The following AGBL1 variants were observed in gnomAD, a reference collection of about 807,000 sequenced individuals.
The protein encoded by AGBL1 is AGBL carboxypeptidase 1, also known as cytosolic carboxypeptidase 4.
AGBL1 carries 130 observed loss-of-function variants against 118.9 expected under a neutral mutation model. The observed-to-expected ratio is 1.09, with a 90% CI of 0.95 to 1.26. AGBL1 has a LOEUF of 1.26. AGBL1 is among the 50% of genes most tolerant of loss of function. The pLI, the probability that AGBL1 is intolerant of heterozygous loss-of-function variation, is 0.00. For missense variants in AGBL1, 1,584 were observed against 1,298.1 expected (o/e 1.22, Z -3.38); for synonymous variants, 555 against 478.9 (o/e 1.16, Z -2.08).
intron 21 of AGBL1, among the ~76,000 whole-genome samples, chr15:86,604,245 A>G (rs1348272437): frequency 1.3e-5 from 2 of 152,188 alleles, no homozygotes; most frequent in Non-Finnish European, 2.9e-5. Flanking sequence ...CAATTAGATG[A>G]TAATTAACAT....
At chr15:86,113,324 G>T in intron 1 of AGBL1, among the ~76,000 whole-genome samples, 2 of 104,474 alleles carry the variant, frequency 1.9e-5, no homozygotes, top group Non-Finnish European at 1.8e-5. Flanking sequence ...GTCTTACTCT[G>T]TTGCCCAGGC....
intron 3 of AGBL1, among the ~76,000 whole-genome samples, chr15:86,148,149 T>G (rs1355934398): frequency 1.3e-5 from 2 of 152,128 alleles, no homozygotes; most frequent in South Asian, 4.1e-4. Context: ...AGACCAAAGG[T>G]AGATAAAATC....
At chr15:86,521,271 T>C (rs781075984) in intron 18 of AGBL1, among the ~76,000 whole-genome samples, 1 of 152,228 alleles carries the variant, frequency 6.6e-6, no homozygotes, top group Non-Finnish European at 1.5e-5. Flanking sequence ...CCAATGTTTA[T>C]TGAAAACACT....
chr15:86,271,396 A>G (rs1459439769), intron 14 of AGBL1, among the ~76,000 whole-genome samples: 1 of 151,538 alleles, frequency 6.6e-6, no homozygotes, highest in Non-Finnish European at 1.5e-5. Context: ...ACCTCCCTCT[A>G]CCTCCCTTTC....
intron 22 of AGBL1, among the ~76,000 whole-genome samples, chr15:86,822,667 C>CT (rs2078957557): frequency 6.6e-6 from 1 of 152,090 alleles, no homozygotes; most frequent in Non-Finnish European, 1.5e-5. Flanking sequence ...AAGAAAGAGG[C>CT]TGACATATGC....
At chr15:86,973,000 A>C (rs2081126516) in intron 23 of AGBL1, among the ~76,000 whole-genome samples, 1 of 152,000 alleles carries the variant, frequency 6.6e-6, no homozygotes, top group Admixed American at 6.6e-5. Flanking sequence ...AATTTGGATC[A>C]GACAAATTGG....
chr15:86,723,429 C>G (rs1484410270), intron 22 of AGBL1, among the ~76,000 whole-genome samples: 2 of 152,162 alleles, frequency 1.3e-5, no homozygotes, highest in African/African-American at 2.4e-5. Flanking sequence ...ACCACATGTT[C>G]TCACTCCTAG....
At chr15:86,988,263 G>C in intron 24 of AGBL1, 1 of 683,264 alleles carries the variant, frequency 1.5e-6, no homozygotes, top group Non-Finnish European at 2.4e-6. Context: ...TTTCCAAAGT[G>C]GTTGCAACGA....
chr15:86,985,983 G>A (rs2081278529), intron 23 of AGBL1, among the ~76,000 whole-genome samples: 1 of 151,902 alleles, frequency 6.6e-6, no homozygotes, highest in Non-Finnish European at 1.5e-5. Context: ...GAGTGAAGTG[G>A]CAGGATCCTG....
At chr15:86,663,651 AAGAG>A (rs997267527) in intron 21 of AGBL1, among the ~76,000 whole-genome samples, 1 of 152,070 alleles carries the variant, frequency 6.6e-6, no homozygotes, top group African/African-American at 2.4e-5. Context: ...GGCATGAGAA[AAGAG>A]AGAGGGAATC....
At chr15:87,007,331 C>G (rs746968548) in intron 24 of AGBL1, among the ~76,000 whole-genome samples, 2 of 152,070 alleles carry the variant, frequency 1.3e-5, no homozygotes, top group Non-Finnish European at 2.9e-5. Context: ...ATATTAGATA[C>G]AGCAGCAAAA....
chr15:86,858,066 C>T (rs951197970), intron 22 of AGBL1, among the ~76,000 whole-genome samples: 1 of 152,154 alleles, frequency 6.6e-6, no homozygotes, highest in African/African-American at 2.4e-5. Context: ...ATCCACTACA[C>T]ACAGGCTAAG....
Position 86,620,152 on chromosome 15 carries a change from C to G in AGBL1, c.2995-54121C>G, listed in dbSNP as rs188032120. ...TCCACAAAATTGGTGGTGTCAGGTACGATTCCCATAAGTAGAAGATGAAAA... is the reference window on the plus strand; with the variant it reads ...TCCACAAAATTGGTGGTGTCAGGTAGGATTCCCATAAGTAGAAGATGAAAA... On this transcript the variant is annotated intron_variant, in intron 21 of 22. Transcript: ENST00000614907. Among the ~76,000 whole-genome samples, 261 of 152,194 alleles carry G rather than the reference C, an allele frequency of 1.7e-3. 1 individual carries two copies. The highest frequency in any genetic ancestry group is 5.9e-3 in the African/African-American group (244 of 41,542).
rs1172049687 is a variant in AGBL1 at position 86,722,418 on chromosome 15, G to A, written c.3158+47982G>A. ...ACAAGCAATGGGGAAAGGATTCCCT[G>A]TTTAATAAATGGTGCTGGGAAAACT... On this transcript the variant is annotated intron_variant, in intron 22 of 22. Transcript: ENST00000614907. Among the ~76,000 whole-genome samples the A allele has an allele frequency of 1.0e-3, 153 of 152,162 alleles. 1 individual carries two copies. The highest frequency in any genetic ancestry group is 1.7e-3 in the African/African-American group (69 of 41,554).
At chr15:86,478,221 G>C (rs181557622) in intron 18 of AGBL1, among the ~76,000 whole-genome samples, 82 of 152,262 alleles carry the variant, frequency 5.4e-4, no homozygotes, top group African/African-American at 1.9e-3. Context: ...AGTGTTGGAA[G>C]TTCTGACCAG....
At chr15:86,089,725 C>G (rs570160122) in intron 1 of AGBL1, among the ~76,000 whole-genome samples, 1 of 152,040 alleles carries the variant, frequency 6.6e-6, no homozygotes, top group Non-Finnish European at 1.5e-5. Context: ...CCTACAGTTT[C>G]GACCCAGAGC....
intron 24 of AGBL1, among the ~76,000 whole-genome samples, chr15:87,015,012 A>G (rs930510142): frequency 3.9e-5 from 6 of 152,162 alleles, no homozygotes; most frequent in Non-Finnish European, 7.3e-5. Context: ...GTGAATGGAC[A>G]TGATTCAATC....
chr15:86,905,148 G>T (rs2080264876), intron 22 of AGBL1, among the ~76,000 whole-genome samples: 1 of 152,100 alleles, frequency 6.6e-6, no homozygotes, highest in Non-Finnish European at 1.5e-5. Context: ...AAATTGTGAA[G>T]GCTTGGGAAA....
intron 24 of AGBL1, among the ~76,000 whole-genome samples, chr15:87,016,907 C>T (rs964548771): frequency 2.6e-5 from 4 of 152,136 alleles, no homozygotes; most frequent in Non-Finnish European, 5.9e-5. Context: ...GAAGTCCCTG[C>T]AGAGCAGCCA....
Sources: gnomAD v4.1 joint callset for allele counts (sites outside exome capture counted in the v4.1 genomes callset) on GRCh38, gnomAD v4.1.1 for gene constraint, MANE v1.5 for transcripts, NCBI Gene and HGNC (gene_info 2026-07-23, HGNC 2026-07-21) for gene names.